The following DHX33 variants were observed in gnomAD, a reference collection of about 807,000 sequenced individuals.
DHX33 encodes the protein DEAH-box helicase 33.
In DHX33, 42 loss-of-function variants were observed where a neutral mutation model predicts 72.5. The ratio of observed to expected loss-of-function variants is 0.58; its 90% CI spans 0.45 to 0.75. The LOEUF (loss-of-function observed/expected upper bound fraction) is 0.75. Ranked by LOEUF, DHX33 falls within the 30% of genes least tolerant of loss-of-function variation. The probability of loss-of-function intolerance (pLI) is 0.00; values close to 1 mark genes in which losing one functional copy is unlikely to be tolerated. For synonymous variants in DHX33, 358 were observed against 366.1 expected, an observed-to-expected ratio of 0.98 and a Z score of 0.25; for missense variants, 842 against 917.5, an observed-to-expected ratio of 0.92 and a Z score of 1.06.
chr17:5,455,687 C>T (rs1453841209), intron 5 of DHX33, among the ~76,000 whole-genome samples: 5 of 152,196 alleles, frequency 3.3e-5, no homozygotes, highest in African/African-American at 9.7e-5. Flanking sequence ...GTGCCTGGCA[C>T]GGCAAAGGCA....
chr17:5,468,961 C>CA lies in DHX33; in HGVS notation c.-103_-102insT. 4.4e-6 allele frequency: 4 copies of CA among 911,946 alleles called. No homozygotes were observed. The highest frequency in any genetic ancestry group is 2.7e-5 in the Admixed American group (1 of 36,792). The allele number at this position is 911,946 out of a possible 1,614,324, so 56.5% of individuals were successfully genotyped here. On this transcript the variant is annotated 5_prime_UTR_variant, in exon 1 of 12. The change creates a new upstream start codon in the 5' untranslated region. Transcript: ENST00000225296. ...ACCGCCCCTTCCTCGCCGCCACGTGCTGGCGGCTCCCGGCGACCACCGATG... is the reference window on the plus strand; with the variant it reads ...ACCGCCCCTTCCTCGCCGCCACGTGCATGGCGGCTCCCGGCGACCACCGATG...
intron 11 of DHX33, among the ~76,000 whole-genome samples, chr17:5,445,736 C>G (rs186934160): frequency 1.3e-5 from 2 of 152,058 alleles, no homozygotes; most frequent in Non-Finnish European, 2.9e-5. Context: ...CACTTCCATG[C>G]GGAGGTAAAG....
At chr17:5,452,536 T>C (rs2151685622) in intron 8 of DHX33, among the ~76,000 whole-genome samples, 1 of 151,348 alleles carries the variant, frequency 6.6e-6, no homozygotes, top group South Asian at 2.1e-4. Flanking sequence ...TGAGACCCTG[T>C]CTCAAAACAA....
intron 1 of DHX33, among the ~76,000 whole-genome samples, chr17:5,466,020 G>T (rs1388470753): frequency 6.6e-6 from 1 of 152,130 alleles, no homozygotes; most frequent in African/African-American, 2.4e-5. Flanking sequence ...CATGCCTCCT[G>T]ATCTTTGCTC....
At chr17:5,447,192 C>T (rs1916690274) in intron 11 of DHX33, among the ~76,000 whole-genome samples, 1 of 152,198 alleles carries the variant, frequency 6.6e-6, no homozygotes, top group African/African-American at 2.4e-5. Flanking sequence ...TTTAAAACAC[C>T]ATGTACTCTA....
intron 8 of DHX33, 37 bp from the exon 9 acceptor site, chr17:5,450,971 C>CA (rs773602897): frequency 7.5e-6 from 12 of 1,594,962 alleles, no homozygotes; most frequent in South Asian, 5.7e-5. Context: ...GCCAAAAGTC[C>CA]AAAAAAATGA....
intron 5 of DHX33, among the ~76,000 whole-genome samples, 161 bp from the exon 6 acceptor site, chr17:5,455,432 C>A (rs188105457): frequency 6.6e-6 from 1 of 152,226 alleles, no homozygotes; most frequent in African/African-American, 2.4e-5. Context: ...GTCATTAAAC[C>A]GGGCAGGGGA....
At chr17:5,462,275 AG>A (rs1904672811) in intron 3 of DHX33, 43 bp downstream of exon 3, 2 of 1,571,128 alleles carry the variant, frequency 1.3e-6, no homozygotes, top group South Asian at 2.2e-5. Context: ...GCATACTTTC[AG>A]GGGAAGTTTC....
At chr17:5,454,234 CGA>C (rs1733086566) in intron 6 of DHX33, among the ~76,000 whole-genome samples, 1 of 152,100 alleles carries the variant, frequency 6.6e-6, no homozygotes. Context: ...CAGCAAGGGG[CGA>C]GAAGAGTAGT....
chr17:5,461,215 T>C, intron 3 of DHX33, 106 bp from the exon 4 acceptor site: 1 of 1,201,786 alleles, frequency 8.3e-7, no homozygotes, highest in Non-Finnish European at 1.2e-6. Flanking sequence ...GCCACCCCCA[T>C]CACAGTTTAC....
intron 10 of DHX33, 142 bp downstream of exon 10, chr17:5,450,061 G>C (rs775065657): frequency 2.0e-6 from 2 of 990,202 alleles, no homozygotes; most frequent in Non-Finnish European, 3.0e-6. Context: ...CTGAAATGCT[G>C]TCTGGCTTTC....
chr17:5,451,826 G>A (rs749521310), intron 8 of DHX33, among the ~76,000 whole-genome samples: 26 of 152,230 alleles, frequency 1.7e-4, no homozygotes, highest in Non-Finnish European at 1.5e-4. Context: ...ATCAACTGAA[G>A]GATGGATAAA....
chr17:5,458,707 A>G (rs1904446352), intron 4 of DHX33, among the ~76,000 whole-genome samples: 2 of 152,236 alleles, frequency 1.3e-5, no homozygotes, highest in Admixed American at 6.5e-5. Context: ...CCTGATACCC[A>G]TAACTCAAAA....
chr17:5,456,441 G>A (rs1005399797), intron 4 of DHX33, among the ~76,000 whole-genome samples: 1 of 152,168 alleles, frequency 6.6e-6, no homozygotes, highest in Non-Finnish European at 1.5e-5. Context: ...GCAGCCAGGA[G>A]TTTGTGACCA....
intron 5 of DHX33, among the ~76,000 whole-genome samples, chr17:5,455,648 G>T (rs1917157852): frequency 6.6e-6 from 1 of 152,202 alleles, no homozygotes; most frequent in Non-Finnish European, 1.5e-5. Flanking sequence ...CCACGAGGAT[G>T]ACAGACAGTG....
chr17:5,466,215 T>C (rs1176875489), intron 1 of DHX33, among the ~76,000 whole-genome samples: 1 of 152,212 alleles, frequency 6.6e-6, no homozygotes, highest in Non-Finnish European at 1.5e-5. Context: ...ATTCAATAAA[T>C]TGCATGAAAT....
chr17:5,468,363 A>G (rs950096569), intron 1 of DHX33, among the ~76,000 whole-genome samples: 1 of 152,016 alleles, frequency 6.6e-6, no homozygotes, highest in African/African-American at 2.4e-5. Context: ...TTGCCTACAC[A>G]CGTTGGTCAC....
At chr17:5,459,367 T>C (rs1472605447) in intron 4 of DHX33, among the ~76,000 whole-genome samples, 1 of 147,540 alleles carries the variant, frequency 6.8e-6, no homozygotes, top group South Asian at 2.1e-4. Context: ...AAAATATTTT[T>C]AAATATTCTC....
Position 5,453,851 on chromosome 17 carries a change from A to G in DHX33, c.1277T>C (p.Phe426Ser), listed in dbSNP as rs372944384. 22 of 1,613,968 alleles carry G rather than the reference A, an allele frequency of 1.4e-5. No homozygotes were observed. The highest frequency in any genetic ancestry group is 2.7e-5 in the African/African-American group (2 of 74,896). ...RLYTEDEFEKFDKMTVPEIQR... is the reference protein window; with the variant it reads ...RLYTEDEFEKSDKMTVPEIQR... ...GATCTCTGGCACGGTCATCTTATCA[A>G]ACTTCTCAAACTCGTCCTCCGTGTA... is the stretch of plus-strand genomic sequence containing the variant. The change falls in exon 7 of 12, where the codon TTT becomes TCT. Residue 426 changes from phenylalanine to serine, a missense_variant. By Grantham distance (155) the Phe-to-Ser change is radical (BLOSUM62 -2). Coordinates refer to ENST00000225296, the MANE Select transcript of DHX33 (RefSeq NM_020162.4).
Sources: allele counts gnomAD v4.1 joint callset (sites outside exome capture counted in the v4.1 genomes callset), GRCh38; gene constraint gnomAD v4.1.1; transcripts MANE v1.5; gene names NCBI Gene and HGNC (gene_info 2026-07-23, HGNC 2026-07-21).